The following HIBCH variants were observed in gnomAD, a reference collection of about 807,000 sequenced individuals.
HIBCH encodes the protein 3-hydroxyisobutyryl-CoA hydrolase, mitochondrial.
Under a neutral mutation model 58.2 loss-of-function variants are expected in HIBCH, and 50 were observed. The observed-to-expected ratio is 0.86, with a 90% CI of 0.68 to 1.09. The LOEUF (loss-of-function observed/expected upper bound fraction) is 1.09, where lower values mean the gene tolerates loss of function less well. Among genes scored for constraint, HIBCH ranks in the 50% least tolerant of loss-of-function variants. The pLI is 0.00. For synonymous variants in HIBCH, 151 were observed against 146.9 expected (o/e 1.03, Z -0.20); for missense variants, 450 against 449.7 (o/e 1.00, Z -0.01).
intron 11 of HIBCH, among the ~76,000 whole-genome samples, chr2:190,221,282 A>G (rs763436397): frequency 2.0e-5 from 3 of 152,198 alleles, no homozygotes; most frequent in South Asian, 4.1e-4. Context: ...CCTAGGCTTC[A>G]CCACCTTCTA....
At chr2:190,224,396 T>C (rs1199752510) in intron 11 of HIBCH, among the ~76,000 whole-genome samples, 2 of 152,052 alleles carry the variant, frequency 1.3e-5, no homozygotes, top group African/African-American at 4.8e-5. Flanking sequence ...ACCCATCTCA[T>C]GTGCAGAGAC....
intron 11 of HIBCH, among the ~76,000 whole-genome samples, chr2:190,222,032 C>T (rs66867328): frequency 0.23 from 34,905 of 152,158 alleles, 4,204 homozygotes; most frequent in East Asian, 0.32. Context: ...GGCACACTGA[C>T]CCTCCACTGA....
intron 6 of HIBCH, among the ~76,000 whole-genome samples, chr2:190,285,951 C>T (rs1402283020): frequency 6.6e-6 from 1 of 152,128 alleles, no homozygotes; most frequent in East Asian, 1.9e-4. Flanking sequence ...AAGCAATTCT[C>T]GTGCCTCAGC....
At position 190,261,188 on chromosome 2, in the gene HIBCH, T is replaced by A. The variant is rs760130043; in HGVS notation, c.485A>T (p.Lys162Met). The change falls in exon 7 of 14, where the codon AAG becomes ATG. Residue 162 changes from lysine (K) to methionine (M), a missense_variant. Lys to Met is a moderately conservative substitution (Grantham distance 95, BLOSUM62 -1). Transcript: ENST00000359678. ...VHGQFRVATE[K>M]CLFAMPETAI... ...AGTTTCTGGCATAGCAAAAAGACAC[T>A]TTTCTGTAGCCACTCGAAATTGCCC... The A allele has an allele frequency of 6.8e-6, 11 of 1,613,588 alleles. No homozygotes were observed. Among genetic ancestry groups the A allele is most frequent in the Non-Finnish European group, 9.3e-6 (11 of 1,179,816 alleles).
rs879708222 is a variant in HIBCH, at chr2:190,236,195, CTGTGT to C, written c.891+8687_891+8691del. Among the ~76,000 whole-genome samples, 2 of 152,088 alleles carry C rather than the reference CTGTGT, an allele frequency of 1.3e-5. No homozygotes were observed. The highest frequency in any genetic ancestry group is 2.9e-5 in the Non-Finnish European group (2 of 68,016). ...CAATATTGCCACTGAAGATCTGGAG[CTGTGT>C]TGTGTTGTTGTAAGGCTTAAATGGG... is the stretch of plus-strand genomic sequence containing the variant. On this transcript the variant is annotated intron_variant, in intron 11 of 13. Transcript: ENST00000359678. This position sits in a 1 kb window ranked among gnomAD's most constrained non-coding sequence, Gnocchi z 4.1.
chr2:190,257,999 C>T (rs935777196), intron 7 of HIBCH, among the ~76,000 whole-genome samples: 2 of 152,008 alleles, frequency 1.3e-5, no homozygotes, highest in African/African-American at 4.8e-5. Flanking sequence ...CTTGAAAGGC[C>T]CTGATATGGT....
At chr2:190,239,272 G>T (rs1156456911) in intron 11 of HIBCH, among the ~76,000 whole-genome samples, 3 of 152,180 alleles carry the variant, frequency 2.0e-5, no homozygotes, top group Non-Finnish European at 2.9e-5. Context: ...TCAGATGGTT[G>T]TAGGTGTGTG....
At chr2:190,259,900 A>T (rs1010835591) in intron 7 of HIBCH, among the ~76,000 whole-genome samples, 7 of 152,194 alleles carry the variant, frequency 4.6e-5, no homozygotes, top group Non-Finnish European at 1.0e-4. Flanking sequence ...AAATGATGAG[A>T]GCAGGCATCA....
At chr2:190,268,314 T>C (rs991035352) in intron 6 of HIBCH, among the ~76,000 whole-genome samples, 2 of 152,240 alleles carry the variant, frequency 1.3e-5, no homozygotes, top group Non-Finnish European at 2.9e-5. Flanking sequence ...TGACATTCAC[T>C]GTTTTTTAAC....
At chr2:190,252,674 AG>A (rs545108933) in intron 7 of HIBCH, among the ~76,000 whole-genome samples, 172 of 152,054 alleles carry the variant, frequency 1.1e-3, no homozygotes, top group African/African-American at 3.9e-3. Flanking sequence ...AAATCAGCAC[AG>A]GAAAAAAAAA....
intron 11 of HIBCH, among the ~76,000 whole-genome samples, chr2:190,223,141 G>A (rs1685774103): frequency 6.6e-6 from 1 of 152,110 alleles, no homozygotes; most frequent in Non-Finnish European, 1.5e-5. Flanking sequence ...GTTAGGGGAG[G>A]GATAACATTA....
chr2:190,298,085 T>G (rs1688154359), intron 2 of HIBCH, among the ~76,000 whole-genome samples: 1 of 152,222 alleles, frequency 6.6e-6, no homozygotes, highest in Non-Finnish European at 1.5e-5. Context: ...GGACATGAGC[T>G]CATTCTTTTT....
At chr2:190,293,967 G>GT (rs1368546031) in intron 4 of HIBCH, among the ~76,000 whole-genome samples, 3 of 146,222 alleles carry the variant, frequency 2.1e-5, no homozygotes, top group Non-Finnish European at 4.5e-5. Flanking sequence ...ATCTCAGCAT[G>GT]TTTAAACACG....
chr2:190,213,201 C>T, intron 11 of HIBCH, 126 bp from the exon 12 acceptor site: 1 of 803,378 alleles, frequency 1.2e-6, no homozygotes, highest in Admixed American at 2.3e-5. Context: ...TATACCCTAG[C>T]TTAATCCTGC....
At chr2:190,218,234 G>C (rs1685616446) in intron 11 of HIBCH, among the ~76,000 whole-genome samples, 1 of 152,090 alleles carries the variant, frequency 6.6e-6, no homozygotes, top group African/African-American at 2.4e-5. Flanking sequence ...CTCTGTGCTA[G>C]CTGGAATCAG....
intron 1 of HIBCH, among the ~76,000 whole-genome samples, chr2:190,198,303 C>T (rs1690071626): frequency 1.3e-5 from 2 of 152,086 alleles, no homozygotes; most frequent in African/African-American, 4.8e-5. Context: ...TAATTACAAA[C>T]TATTAAAAAA....
At chr2:190,249,788 T>G (rs1686711092) in intron 8 of HIBCH, 62 bp from the exon 9 acceptor site, 2 of 1,043,492 alleles carry the variant, frequency 1.9e-6, no homozygotes, top group Non-Finnish European at 3.0e-6. Flanking sequence ...GAAAGCTTTA[T>G]AAAAATCTCA....
chr2:190,267,599 A>G (rs1414042671), intron 6 of HIBCH, among the ~76,000 whole-genome samples: 1 of 152,088 alleles, frequency 6.6e-6, no homozygotes, highest in Non-Finnish European at 1.5e-5. Context: ...TGCTAGTGCC[A>G]TATTGTTCAC....
At chr2:190,295,512 T>A (rs543048331) in intron 3 of HIBCH, among the ~76,000 whole-genome samples, 1 of 152,234 alleles carries the variant, frequency 6.6e-6, no homozygotes, top group Non-Finnish European at 1.5e-5. Flanking sequence ...ACTTGTGGCA[T>A]CATGTTGATG....
Sources: gnomAD v4.1 joint callset for allele counts (sites outside exome capture counted in the v4.1 genomes callset) on GRCh38, gnomAD v4.1.1 for gene constraint, Gnocchi (gnomAD v3.1) non-coding constraint, MANE v1.5 for transcripts, NCBI Gene and HGNC (gene_info 2026-07-23, HGNC 2026-07-21) for gene names.